The following OXCT1 variants were observed in gnomAD, a reference collection of about 807,000 sequenced individuals.
The protein encoded by OXCT1 is succinyl-CoA:3-ketoacid coenzyme A transferase 1, mitochondrial.
OXCT1 carries 27 observed loss-of-function variants against 69.6 expected under a neutral mutation model. That is an observed-to-expected ratio of 0.39 (90% CI 0.29 to 0.54). OXCT1 has a LOEUF of 0.54. OXCT1 is among the 20% of genes least tolerant of loss of function. The pLI is 0.72. For synonymous variants in OXCT1, 202 were observed against 217.8 expected (o/e 0.93, Z 0.64); for missense variants, 437 against 650.2 (o/e 0.67, Z 3.57).
rs943706313 is a variant in OXCT1, at chr5:41,790,326, C to T, written c.1248+3677G>A. 4.6e-5 allele frequency among the ~76,000 whole-genome samples: 7 copies of T among 152,202 alleles called. No homozygotes were observed. In the East Asian group the frequency reaches 1.2e-3, roughly 25 times the overall value. On this transcript the variant is annotated intron_variant, in intron 13 of 16. Coordinates refer to ENST00000196371, the MANE Select transcript of OXCT1 (RefSeq NM_000436.4). ...AGAGCAGCTCTGAATATAGATTCAG[C>T]GGACTGCACATCTTTCCATCATTTA... is the stretch of plus-strand genomic sequence containing the variant.
chr5:41,862,425 CAT>C (rs1472629034), intron 2 of OXCT1, among the ~76,000 whole-genome samples: 8 of 152,074 alleles, frequency 5.3e-5, no homozygotes, highest in Admixed American at 2.6e-4. Flanking sequence ...TACACACACA[CAT>C]GCACGCACAC....
At chr5:41,854,734 T>A (rs578024369) in intron 3 of OXCT1, among the ~76,000 whole-genome samples, 1 of 152,096 alleles carries the variant, frequency 6.6e-6, no homozygotes, top group South Asian at 2.1e-4. Flanking sequence ...AAAAGTATGA[T>A]GAGACACCAC....
chr5:41,825,690 A>C (rs1178340051), intron 7 of OXCT1, among the ~76,000 whole-genome samples: 2 of 152,254 alleles, frequency 1.3e-5, no homozygotes, highest in East Asian at 3.9e-4. Context: ...CATTCAAAAG[A>C]AGTCATATGG....
intron 1 of OXCT1, among the ~76,000 whole-genome samples, chr5:41,865,149 C>G (rs1749905341): frequency 6.6e-6 from 1 of 152,170 alleles, no homozygotes; most frequent in Non-Finnish European, 1.5e-5. Flanking sequence ...TTGCTATTGA[C>G]TATAGTCACC....
At chr5:41,787,946 T>A (rs1745726711) in intron 13 of OXCT1, among the ~76,000 whole-genome samples, 1 of 152,074 alleles carries the variant, frequency 6.6e-6, no homozygotes, top group Admixed American at 6.6e-5. Context: ...GCAATCTAGA[T>A]CTCTGCACAG....
At chr5:41,817,062 T>C in intron 7 of OXCT1, among the ~76,000 whole-genome samples, 1 of 152,200 alleles carries the variant, frequency 6.6e-6, no homozygotes, top group African/African-American at 2.4e-5. Context: ...TCCTGGCATA[T>C]AAACTCATTC....
At chr5:41,864,906 G>C (rs1041405886) in intron 1 of OXCT1, among the ~76,000 whole-genome samples, 2 of 152,156 alleles carry the variant, frequency 1.3e-5, no homozygotes, top group Non-Finnish European at 1.5e-5. Context: ...GCTGGAAGGG[G>C]AAGAAAATTA....
intron 1 of OXCT1, among the ~76,000 whole-genome samples, chr5:41,869,513 G>A (rs1750175366): frequency 6.6e-6 from 1 of 152,228 alleles, no homozygotes; most frequent in Admixed American, 6.5e-5. Context: ...ACCACTCGGT[G>A]GAGAGTCGGC....
intron 1 of OXCT1, among the ~76,000 whole-genome samples, chr5:41,866,214 T>G (rs1464269092): frequency 1.3e-5 from 2 of 152,182 alleles, no homozygotes; most frequent in African/African-American, 4.8e-5. Flanking sequence ...TTATTGGAGT[T>G]TAGTTTTAAT....
At chr5:41,742,780 C>T (rs928390807) in intron 15 of OXCT1, among the ~76,000 whole-genome samples, 3 of 152,174 alleles carry the variant, frequency 2.0e-5, no homozygotes, top group Non-Finnish European at 4.4e-5. Context: ...TGTCCAGCTT[C>T]ATCCATATCC....
In OXCT1 at chr5:41,762,321, G is replaced by C; in HGVS notation, c.1249-121C>G. Reference sequence around the variant, plus strand: ...AAAACTCATTGTCCTTCATTGCTTAGTGCTTGAAGTTCTATAACCTAATAT... The same window carrying C: ...AAAACTCATTGTCCTTCATTGCTTACTGCTTGAAGTTCTATAACCTAATAT... On this transcript the variant is annotated intron_variant, in intron 13 of 16. Transcript: ENST00000196371. This position sits in a 1 kb window ranked among gnomAD's most constrained non-coding sequence, Gnocchi z 4.0. 2 of 810,872 alleles carry C rather than the reference G, an allele frequency of 2.5e-6. No individual in the cohort carries two copies. The highest frequency in any genetic ancestry group is 2.2e-4 in the Middle Eastern group (1 of 4,470). The allele number at this position is 810,872 out of a possible 1,614,324, so 50.2% of individuals were successfully genotyped here.
chr5:41,835,729 G>A (rs553421171), intron 7 of OXCT1, among the ~76,000 whole-genome samples: 2 of 152,086 alleles, frequency 1.3e-5, no homozygotes, highest in South Asian at 2.1e-4. Context: ...TTGCTGTCTC[G>A]TAAACTAGCC....
chr5:41,831,939 T>C (rs921421780), intron 7 of OXCT1, among the ~76,000 whole-genome samples: 3 of 152,208 alleles, frequency 2.0e-5, no homozygotes, highest in East Asian at 3.8e-4. Context: ...ATACCCATGA[T>C]CTTTTCCTCT....
At chr5:41,836,846 G>A (rs1035466609) in intron 7 of OXCT1, among the ~76,000 whole-genome samples, 8 of 152,040 alleles carry the variant, frequency 5.3e-5, no homozygotes, top group Non-Finnish European at 7.4e-5. Flanking sequence ...TGAGGGTTGG[G>A]GCCCTTGGTC....
At chr5:41,840,751 A>T (rs542992538) in intron 6 of OXCT1, among the ~76,000 whole-genome samples, 1 of 152,212 alleles carries the variant, frequency 6.6e-6, no homozygotes, top group East Asian at 1.9e-4. Context: ...GGGAAAGAGG[A>T]ACTATTTTTC....
In OXCT1 at chr5:41,849,981, C is replaced by T. The variant is rs777553292; in HGVS notation, c.564+49G>A. ...TTGCCCAATGATCCACCCAAAATCC[C>T]ACGTGGAAAGAGGGATCCTGGTATA... On this transcript the variant is annotated intron_variant, in intron 5 of 16. Transcript: ENST00000196371. 11 of 1,599,542 alleles carry T rather than the reference C, an allele frequency of 6.9e-6. No individual in the cohort carries two copies. In the East Asian group the frequency reaches 2.2e-4, roughly 32 times the overall value.
chr5:41,739,870 CAA>C (rs770217745), intron 15 of OXCT1: 425 of 79,952 alleles, frequency 5.3e-3, no homozygotes, highest in East Asian at 0.016. Context: ...GACTCTGTCT[CAA>C]AAAAAAAAAA....
chr5:41,849,381 T>C (rs569001523), intron 5 of OXCT1, among the ~76,000 whole-genome samples: 70 of 152,206 alleles, frequency 4.6e-4, no homozygotes, highest in Non-Finnish European at 6.9e-4. Context: ...CGTAATGAAA[T>C]ACTGGCCAGT....
chr5:41,851,919 C>A (rs1473053257), intron 4 of OXCT1, among the ~76,000 whole-genome samples: 1 of 152,072 alleles, frequency 6.6e-6, no homozygotes, highest in Non-Finnish European at 1.5e-5. Context: ...TCCTAGTCAC[C>A]AGTGTGACTG....
Sources: allele counts gnomAD v4.1 joint callset (sites outside exome capture counted in the v4.1 genomes callset), GRCh38; gene constraint gnomAD v4.1.1; non-coding constraint Gnocchi (gnomAD v3.1); transcripts MANE v1.5; gene names NCBI Gene and HGNC (gene_info 2026-07-23, HGNC 2026-07-21).